MEGF11: variants seen among roughly 807,000 people sequenced by gnomAD.
MEGF11 encodes multiple epidermal growth factor-like domains protein 11.
Under a neutral mutation model 146.6 loss-of-function variants are expected in MEGF11, and 126 were observed. The ratio of observed to expected loss-of-function variants is 0.86; its 90% CI spans 0.74 to 1.00. MEGF11 has a LOEUF of 1.00. Ranked by LOEUF, MEGF11 falls within the 50% of genes least tolerant of loss-of-function variation. The probability of loss-of-function intolerance (pLI) is 0.00; values close to 1 mark genes in which losing one functional copy is unlikely to be tolerated. For synonymous variants in MEGF11, 532 were observed against 583.4 expected (o/e 0.91, Z 1.27); for missense variants, 1,509 against 1,521.2 (o/e 0.99, Z 0.13).
At chr15:66,127,601 T>C (rs753628755) in intron 2 of MEGF11, among the ~76,000 whole-genome samples, 1 of 152,234 alleles carries the variant, frequency 6.6e-6, no homozygotes, top group Non-Finnish European at 1.5e-5. Context: ...CTGGTCAGCA[T>C]GGCCAATCAA....
chr15:66,078,557 G>A (rs1446693762), intron 5 of MEGF11, among the ~76,000 whole-genome samples: 1 of 152,242 alleles, frequency 6.6e-6, no homozygotes. Flanking sequence ...TGCCCAGGAT[G>A]AGATGCACCT....
chr15:66,149,061 G>A (rs1452249022), intron 1 of MEGF11, among the ~76,000 whole-genome samples: 6 of 152,176 alleles, frequency 3.9e-5, no homozygotes, highest in African/African-American at 1.2e-4. Flanking sequence ...GTCTGCGCCC[G>A]GCAGGAGCAC....
chr15:66,153,526 T>C (rs189161421), intron 1 of MEGF11, among the ~76,000 whole-genome samples: 1 of 151,920 alleles, frequency 6.6e-6, no homozygotes, highest in Non-Finnish European at 1.5e-5. Flanking sequence ...TGAGCCGAGA[T>C]CATGCCACTG....
chr15:66,105,999 G>C (rs928179322), intron 4 of MEGF11, among the ~76,000 whole-genome samples: 1 of 152,186 alleles, frequency 6.6e-6, no homozygotes, highest in East Asian at 1.9e-4. Context: ...TCTGGCCAGG[G>C]GAGGGAGGAG....
intron 4 of MEGF11, among the ~76,000 whole-genome samples, chr15:66,118,516 T>A (rs1309741391): frequency 2.0e-5 from 3 of 152,010 alleles, no homozygotes; most frequent in Non-Finnish European, 4.4e-5. Flanking sequence ...TGCACCCACC[T>A]CTTCTCCAAT....
chr15:66,107,575 G>T (rs1243865300), intron 4 of MEGF11, among the ~76,000 whole-genome samples: 1 of 152,186 alleles, frequency 6.6e-6, no homozygotes, highest in Non-Finnish European at 1.5e-5. Flanking sequence ...CCAGAGCAGG[G>T]TTCCCAGACT....
intron 15 of MEGF11, among the ~76,000 whole-genome samples, chr15:65,921,086 T>A (rs78657900): frequency 6.6e-6 from 1 of 152,332 alleles, no homozygotes; most frequent in East Asian, 1.9e-4. Context: ...CAAAGCATCA[T>A]GTAGTAAACT....
At chr15:66,089,114 G>A (rs1314242740) in intron 5 of MEGF11, among the ~76,000 whole-genome samples, 2 of 152,338 alleles carry the variant, frequency 1.3e-5, no homozygotes, top group East Asian at 1.9e-4. Context: ...TTCTGAGCTG[G>A]TTAACATTCT....
chr15:65,917,899 G>C (rs1244760023), intron 16 of MEGF11, 67 bp downstream of exon 16: 4 of 1,601,752 alleles, frequency 2.5e-6, no homozygotes, highest in South Asian at 1.1e-5. Context: ...GAGAGGTTTT[G>C]GGCAACAAAG....
chr15:66,064,263 G>A (rs1042688788), intron 5 of MEGF11, among the ~76,000 whole-genome samples: 1 of 152,094 alleles, frequency 6.6e-6, no homozygotes, highest in African/African-American at 2.4e-5. Context: ...CAGTTACTCT[G>A]TAGGCTGAGG....
chr15:66,180,173 G>A (rs1346022032), intron 1 of MEGF11, among the ~76,000 whole-genome samples: 3 of 152,204 alleles, frequency 2.0e-5, no homozygotes, highest in African/African-American at 7.2e-5. Context: ...AGAGGAACAA[G>A]CAAGCCACTG....
chr15:65,935,136 T>C (rs940583877), intron 10 of MEGF11, among the ~76,000 whole-genome samples: 2 of 151,232 alleles, frequency 1.3e-5, no homozygotes, highest in Non-Finnish European at 2.9e-5. Context: ...CTGGCCAACA[T>C]GGTGAAACCC....
intron 1 of MEGF11, among the ~76,000 whole-genome samples, chr15:66,221,969 T>C (rs776365927): frequency 6.6e-6 from 1 of 152,134 alleles, no homozygotes; most frequent in Non-Finnish European, 1.5e-5. Flanking sequence ...AAAAAGTGGA[T>C]TTATGAATCC....
intron 16 of MEGF11, among the ~76,000 whole-genome samples, chr15:65,917,179 C>CA (rs2079028918): frequency 1.3e-5 from 2 of 152,164 alleles, no homozygotes; most frequent in African/African-American, 4.8e-5. Context: ...GCCCACTCTC[C>CA]AAGTCTTTGA....
intron 5 of MEGF11, among the ~76,000 whole-genome samples, chr15:66,044,875 A>G (rs170782): frequency 0.7 from 93,995 of 134,498 alleles, 35,488 homozygotes; most frequent in Non-Finnish European, 0.83. Context: ...AAAAAAAAAA[A>G]AAAAAGAAAT....
In MEGF11 at chr15:66,229,918, CTGTT is replaced by C. The variant is rs201551438; in HGVS notation, c.-9+23683_-9+23686del. On this transcript the variant is annotated intron_variant, in intron 1 of 25. Coordinates refer to ENST00000395614, the MANE Select transcript of MEGF11 (RefSeq NM_001385028.1). ...GGATCTATTTGTTTGGTCTCAAGCT[CTGTT>C]TGTTTTGAGGCTGCAACAAATTCTG... Among the ~76,000 whole-genome samples the C allele has an allele frequency of 2.8e-4, 43 of 152,334 alleles. No homozygotes were observed. In the East Asian group the frequency reaches 8.3e-3, roughly 29 times the overall value.
intron 5 of MEGF11, among the ~76,000 whole-genome samples, chr15:66,084,169 G>A (rs537332079): frequency 3.3e-5 from 5 of 152,134 alleles, no homozygotes; most frequent in South Asian, 2.1e-4. Flanking sequence ...TCGTATATGC[G>A]GTCAGTCACC....
chr15:66,104,437 T>G (rs2086971173), intron 4 of MEGF11, among the ~76,000 whole-genome samples: 1 of 152,234 alleles, frequency 6.6e-6, no homozygotes, highest in African/African-American at 2.4e-5. Flanking sequence ...ACGTACACCA[T>G]CTAGAAACAA....
chr15:66,249,559 C>A (rs140695714), intron 1 of MEGF11, among the ~76,000 whole-genome samples: 3 of 152,040 alleles, frequency 2.0e-5, no homozygotes, highest in Non-Finnish European at 4.4e-5. Context: ...TCTTTTAATT[C>A]TATGGCCTCT....
Sources: allele counts gnomAD v4.1 joint callset (sites outside exome capture counted in the v4.1 genomes callset), GRCh38; gene constraint gnomAD v4.1.1; transcripts MANE v1.5; gene names NCBI Gene and HGNC (gene_info 2026-07-23, HGNC 2026-07-21).